The following RSBN1L variants were observed in gnomAD, a reference collection of about 807,000 sequenced individuals.
The protein encoded by RSBN1L is lysine-specific demethylase RSBN1L.
A neutral mutation model predicts 67.7 loss-of-function variants in RSBN1L; 30 were observed. The ratio of observed to expected loss-of-function variants is 0.44; its 90% CI spans 0.33 to 0.60. RSBN1L has a LOEUF of 0.60. RSBN1L is among the 20% of genes least tolerant of loss of function. The pLI, the probability that RSBN1L is intolerant of heterozygous loss-of-function variation, is 0.02. For synonymous variants in RSBN1L, 433 were observed against 387.0 expected, an observed-to-expected ratio of 1.12 and a Z score of -1.39; for missense variants, 992 against 1,031.7, an observed-to-expected ratio of 0.96 and a Z score of 0.53.
chr7:77,757,008 A>G (rs1042222042), intron 3 of RSBN1L, among the ~76,000 whole-genome samples: 1 of 152,182 alleles, frequency 6.6e-6, no homozygotes, highest in African/African-American at 2.4e-5. Context: ...CAAGTTCATG[A>G]TGAATTTGTA....
chr7:77,771,686 T>G (rs944259379), intron 5 of RSBN1L, among the ~76,000 whole-genome samples: 1 of 152,060 alleles, frequency 6.6e-6, no homozygotes, highest in African/African-American at 2.4e-5. Context: ...ATTTTTGTAT[T>G]TTTAAGAGAG....
At chr7:77,769,672 A>C (rs767622988) in intron 5 of RSBN1L, among the ~76,000 whole-genome samples, 3 of 152,238 alleles carry the variant, frequency 2.0e-5, no homozygotes, top group Non-Finnish European at 2.9e-5. Context: ...AACTCATGAC[A>C]CACCAAAGTT....
intron 1 of RSBN1L, among the ~76,000 whole-genome samples, chr7:77,709,196 GTA>G (rs758244138): frequency 0.18 from 12,211 of 69,148 alleles, 512 homozygotes; most frequent in African/African-American, 0.25. Context: ...GTGTGTGTGT[GTA>G]TGTATGTGTA....
chr7:77,711,510 A>T (rs1051057864), intron 1 of RSBN1L, among the ~76,000 whole-genome samples: 8 of 151,824 alleles, frequency 5.3e-5, no homozygotes, highest in South Asian at 2.1e-4. Flanking sequence ...TGGCTGATTT[A>T]AAAAAAGTTT....
chr7:77,697,254 G>C (rs1790749768), intron 1 of RSBN1L, 199 bp downstream of exon 1: 1 of 450,030 alleles, frequency 2.2e-6, no homozygotes, highest in South Asian at 1.0e-4. Flanking sequence ...GTTGCAGAGA[G>C]GGGGATGGCC....
At chr7:77,705,456 A>T (rs1790878352) in intron 1 of RSBN1L, among the ~76,000 whole-genome samples, 1 of 150,006 alleles carries the variant, frequency 6.7e-6, no homozygotes, top group African/African-American at 2.5e-5. Context: ...ATTATTAATG[A>T]TGCTAAATTT....
intron 1 of RSBN1L, among the ~76,000 whole-genome samples, chr7:77,725,610 A>G (rs1386691449): frequency 6.6e-6 from 1 of 151,902 alleles, no homozygotes; most frequent in Non-Finnish European, 1.5e-5. Flanking sequence ...ACACACTCAC[A>G]GAAGAGATTA....
At chr7:77,737,714 T>C (rs1416831929) in intron 2 of RSBN1L, among the ~76,000 whole-genome samples, 1 of 152,162 alleles carries the variant, frequency 6.6e-6, no homozygotes, top group African/African-American at 2.4e-5. Context: ...TAGCAGCTAG[T>C]GATGAATGCT....
chr7:77,698,497 AAT>A (rs2150410201), intron 1 of RSBN1L, among the ~76,000 whole-genome samples: 1 of 152,362 alleles, frequency 6.6e-6, no homozygotes, highest in South Asian at 2.1e-4. Flanking sequence ...AGAGGAAGTG[AAT>A]ATGAGTATTA....
At chr7:77,727,800 T>G (rs1791226569) in intron 1 of RSBN1L, among the ~76,000 whole-genome samples, 1 of 152,162 alleles carries the variant, frequency 6.6e-6, no homozygotes, top group African/African-American at 2.4e-5. Flanking sequence ...CTTCTTTCCT[T>G]TTTAATAATT....
chr7:77,704,977 C>CA lies in RSBN1L; in HGVS notation c.586+7934dup, dbSNP rs976018709. On this transcript the variant is annotated intron_variant, in intron 1 of 7. Transcript: ENST00000334955. ...ACAGGCAACAAGAGTGAAACTGTCT[C>CA]AAAAAAAAAAAAGTTGTGTGTGTGT... Among the ~76,000 whole-genome samples, 726 of 115,788 alleles carry CA rather than the reference C, an allele frequency of 6.3e-3. 2 individuals carry two copies. Among genetic ancestry groups the CA allele is most frequent in the Admixed American group, 8.3e-3 (98 of 11,816 alleles). 76.0% of individuals were successfully genotyped at this position (115,788 alleles called of 152,430 possible). A position where few individuals can be genotyped will look rare whatever the true frequency, so the allele number is the denominator to read the frequency against.
chr7:77,696,977 A>C lies in RSBN1L; in HGVS notation c.508A>C (p.Arg170=). Residue 170 remains arginine, a synonymous_variant, in exon 1 of 8, where the codon AGG becomes CGG. Transcript: ENST00000334955. ...PKEKREKERR[R]HGLGGAREAG... ...GGAGAAGCGGGAGAAGGAGAGGAGGAGGCACGGTCTCGGTGGGGCCCGAGA... is the reference window on the plus strand; with the variant it reads ...GGAGAAGCGGGAGAAGGAGAGGAGGCGGCACGGTCTCGGTGGGGCCCGAGA... 1 of 1,558,034 alleles carries C rather than the reference A, an allele frequency of 6.4e-7. No homozygotes were observed. Among genetic ancestry groups the C allele is most frequent in the Non-Finnish European group, 8.6e-7 (1 of 1,160,266 alleles).
Position 77,738,103 on chromosome 7 carries a change from T to C in RSBN1L, c.703+1577T>C, listed in dbSNP as rs541844829. On this transcript the variant is annotated intron_variant, in intron 2 of 7. Coordinates refer to ENST00000334955, the MANE Select transcript of RSBN1L (RefSeq NM_198467.3). ...GCCCAATAGCCATTTTTTTTTCTGA[T>C]TTAATCAAATAGTTTTCTTATTCAT... 1.5e-3 allele frequency among the ~76,000 whole-genome samples: 226 copies of C among 152,238 alleles called. 1 individual carries two copies. The highest frequency in any genetic ancestry group is 2.7e-3 in the Non-Finnish European group (182 of 68,022).
At chr7:77,716,624 CTTTTTTTTTTTTTTT>C (rs61611975) in intron 1 of RSBN1L, among the ~76,000 whole-genome samples, 7 of 75,290 alleles carry the variant, frequency 9.3e-5, no homozygotes, top group African/African-American at 3.6e-4. Context: ...GTATCTTCAT[CTTTTTTTTTTTTTTT>C]TTTTTTTTTT....
At chr7:77,702,415 C>T (rs1055985425) in intron 1 of RSBN1L, among the ~76,000 whole-genome samples, 1 of 152,114 alleles carries the variant, frequency 6.6e-6, no homozygotes, top group Non-Finnish European at 1.5e-5. Flanking sequence ...TCTGTTCTCC[C>T]TATTATTTTT....
intron 1 of RSBN1L, among the ~76,000 whole-genome samples, chr7:77,721,536 T>C (rs1791119953): frequency 6.6e-6 from 1 of 152,102 alleles, no homozygotes; most frequent in East Asian, 1.9e-4. Flanking sequence ...AAGGAGTGCT[T>C]AGTGGAAGAA....
At chr7:77,735,236 C>G (rs1034655059) in intron 1 of RSBN1L, among the ~76,000 whole-genome samples, 3 of 152,034 alleles carry the variant, frequency 2.0e-5, no homozygotes, top group African/African-American at 7.2e-5. Flanking sequence ...TTTTATGTGA[C>G]TATTCAACAC....
intron 5 of RSBN1L, among the ~76,000 whole-genome samples, chr7:77,771,806 G>A (rs1182134371): frequency 1.3e-5 from 2 of 149,224 alleles, no homozygotes; most frequent in Admixed American, 6.7e-5. Context: ...CACTGTGCCC[G>A]GCCTCCTCAG....
At position 77,730,159 on chromosome 7, in the gene RSBN1L, G is replaced by T. The variant is rs371957204; in HGVS notation, c.587-6251G>T. Among the ~76,000 whole-genome samples the T allele has an allele frequency of 4.6e-5, 7 of 151,928 alleles. No individual in the cohort carries two copies. The East Asian group carries it at 1.2e-3, about 25-fold the overall frequency. ...GTTCTTAGATTCCTTTGGCTGTTTG[G>T]GTTTAAACTGTATCATAGGTCTGTT... On this transcript the variant is annotated intron_variant, in intron 1 of 7. Transcript: ENST00000334955.
Sources: gnomAD v4.1 joint callset for allele counts (sites outside exome capture counted in the v4.1 genomes callset) on GRCh38, gnomAD v4.1.1 for gene constraint, MANE v1.5 for transcripts, NCBI Gene and HGNC (gene_info 2026-07-23, HGNC 2026-07-21) for gene names.